Variants in CEP128 observed in about 807,000 individuals in gnomAD.
CEP128 encodes centrosomal protein 128.
CEP128 carries 132 observed loss-of-function variants against 156.7 expected under a neutral mutation model. The observed-to-expected ratio is 0.84, with a 90% CI of 0.73 to 0.97. The LOEUF is 0.97. CEP128 is among the 50% of genes least tolerant of loss of function. CEP128 has a pLI of 0.00. For synonymous variants in CEP128, 469 were observed against 448.9 expected, an observed-to-expected ratio of 1.04 and a Z score of -0.57; for missense variants, 1,252 against 1,281.9, an observed-to-expected ratio of 0.98 and a Z score of 0.36.
intron 3 of CEP128, among the ~76,000 whole-genome samples, chr14:80,915,728 G>A (rs1594842331): frequency 6.6e-6 from 1 of 152,166 alleles, no homozygotes; most frequent in South Asian, 2.1e-4. Flanking sequence ...ATGCCCATGA[G>A]AAGCTAAACT....
chr14:80,801,082 T>G (rs1883816029), intron 13 of CEP128, among the ~76,000 whole-genome samples: 1 of 152,200 alleles, frequency 6.6e-6, no homozygotes, highest in Admixed American at 6.5e-5. Flanking sequence ...TTGAGAGGGC[T>G]AAAGAGAGAT....
intron 13 of CEP128, among the ~76,000 whole-genome samples, chr14:80,811,867 C>T (rs1443001157): frequency 1.4e-5 from 1 of 71,684 alleles, no homozygotes; most frequent in African/African-American, 5.5e-5. Context: ...CCTTTGGTAC[C>T]CTGCATAAAG....
At chr14:80,897,773 C>T (rs945894227) in intron 7 of CEP128, among the ~76,000 whole-genome samples, 1 of 134,980 alleles carries the variant, frequency 7.4e-6, no homozygotes, top group African/African-American at 2.6e-5. Flanking sequence ...ATCTCGCCCT[C>T]CTCAAATCAA....
At chr14:80,941,372 A>T (rs1199020797) in intron 1 of CEP128, among the ~76,000 whole-genome samples, 1 of 152,032 alleles carries the variant, frequency 6.6e-6, no homozygotes, top group Non-Finnish European at 1.5e-5. Flanking sequence ...CTGACCGCGG[A>T]CACCCCTGCC....
intron 19 of CEP128, among the ~76,000 whole-genome samples, chr14:80,688,691 G>A (rs1201302354): frequency 6.6e-6 from 1 of 152,148 alleles, no homozygotes; most frequent in Non-Finnish European, 1.5e-5. Flanking sequence ...ATGGGTCAAA[G>A]TTAATTTAGA....
intron 13 of CEP128, among the ~76,000 whole-genome samples, chr14:80,819,307 C>G (rs996124324): frequency 1.5e-5 from 2 of 129,454 alleles, no homozygotes; most frequent in Admixed American, 9.5e-5. Flanking sequence ...AGTGCAGTGG[C>G]GCAATCTCGG....
intron 19 of CEP128, among the ~76,000 whole-genome samples, chr14:80,609,638 C>A (rs1892917035): frequency 6.6e-6 from 1 of 152,100 alleles, no homozygotes; most frequent in Admixed American, 6.5e-5. Flanking sequence ...GAAATAAAAC[C>A]CATGTCATTG....
chr14:80,875,250 T>C (rs757586684), intron 8 of CEP128, among the ~76,000 whole-genome samples: 40 of 152,352 alleles, frequency 2.6e-4, no homozygotes, highest in Middle Eastern at 3.4e-3. Flanking sequence ...TAAGACCCAG[T>C]ACCAAAGTTT....
At chr14:80,489,536 C>A (rs545061078), downstream of CEP128, among the ~76,000 whole-genome samples, 2 of 152,142 alleles carry the variant, frequency 1.3e-5, no homozygotes, top group Non-Finnish European at 1.5e-5. Flanking sequence ...TCAACCCCAG[C>A]AGACTCCCCC....
chr14:80,611,787 T>C (rs201045180), intron 19 of CEP128, among the ~76,000 whole-genome samples: 2 of 152,180 alleles, frequency 1.3e-5, no homozygotes, highest in East Asian at 3.9e-4. Context: ...AGGCCGGGTG[T>C]GGTGGCTTAC....
At chr14:80,623,324 G>T (rs1358829117) in intron 19 of CEP128, among the ~76,000 whole-genome samples, 1 of 151,180 alleles carries the variant, frequency 6.6e-6, no homozygotes, top group African/African-American at 2.4e-5. Context: ...TGGGGGGAAG[G>T]GGGAGGGATA....
intron 19 of CEP128, among the ~76,000 whole-genome samples, chr14:80,589,461 A>C (rs980043101): frequency 2.0e-5 from 3 of 152,170 alleles, no homozygotes; most frequent in Non-Finnish European, 2.9e-5. Context: ...CATTCAATGA[A>C]AGCCTTGTGA....
At chr14:80,957,950 A>C (rs1886791415) in intron 2 of CEP128, 1 of 152,206 alleles carries the variant, frequency 6.6e-6, no homozygotes, top group Non-Finnish European at 1.5e-5. Context: ...ATGGAGAGGG[A>C]GGTAGTATGT....
chr14:80,820,418 C>T (rs1181003962), intron 13 of CEP128, among the ~76,000 whole-genome samples: 1 of 152,128 alleles, frequency 6.6e-6, no homozygotes, highest in Admixed American at 6.5e-5. Context: ...CAGGGGCAGA[C>T]CCAAAGCTAT....
intron 20 of CEP128, among the ~76,000 whole-genome samples, chr14:80,564,954 G>C (rs1410353411): frequency 6.6e-6 from 1 of 152,088 alleles, no homozygotes; most frequent in Non-Finnish European, 1.5e-5. Flanking sequence ...AGCTACTAGG[G>C]AGGCTGAGGC....
chr14:80,568,819 C>A (rs2140404780), intron 20 of CEP128, among the ~76,000 whole-genome samples: 1 of 152,214 alleles, frequency 6.6e-6, no homozygotes, highest in East Asian at 1.9e-4. Flanking sequence ...AAAAAACCAA[C>A]AACTAAGTTT....
intron 23 of CEP128, among the ~76,000 whole-genome samples, chr14:80,526,041 T>C (rs1888960887): frequency 1.3e-5 from 2 of 152,128 alleles, no homozygotes. Flanking sequence ...ATAGATGGAC[T>C]CTCTCTGGGT....
intron 19 of CEP128, among the ~76,000 whole-genome samples, chr14:80,621,065 G>A (rs963702660): frequency 2.8e-4 from 42 of 152,086 alleles, no homozygotes; most frequent in African/African-American, 2.9e-4. Flanking sequence ...AGCAATACAC[G>A]ACACCAACAT....
At chr14:80,673,487 C>CA (rs11296356) in intron 19 of CEP128, among the ~76,000 whole-genome samples, 3 of 133,618 alleles carry the variant, frequency 2.2e-5, no homozygotes, top group South Asian at 5.1e-4. Context: ...ACTAAAAATA[C>CA]AAAAAAAAAT....
Sources: gnomAD v4.1 joint callset for allele counts (sites outside exome capture counted in the v4.1 genomes callset) on GRCh38, gnomAD v4.1.1 for gene constraint, MANE v1.5 for transcripts, NCBI Gene and HGNC (gene_info 2026-07-23, HGNC 2026-07-21) for gene names.